EHMT1: variants seen among roughly 807,000 people sequenced by gnomAD.
EHMT1 encodes histone-lysine N-methyltransferase EHMT1.
EHMT1 carries 15 observed loss-of-function variants against 147.2 expected under a neutral mutation model. That is an observed-to-expected ratio of 0.10 (90% CI 0.07 to 0.16). The LOEUF (loss-of-function observed/expected upper bound fraction) is 0.16. Ranked by LOEUF, EHMT1 falls within the 10% of genes least tolerant of loss-of-function variation. The probability of loss-of-function intolerance (pLI) is 1.00; values close to 1 mark genes in which losing one functional copy is unlikely to be tolerated. For missense variants in EHMT1, 1,587 were observed against 1,772.4 expected, an observed-to-expected ratio of 0.90 and a Z score of 1.88; for synonymous variants, 795 against 709.6, an observed-to-expected ratio of 1.12 and a Z score of -1.91.
In EHMT1 at chr9:137,640,118, A is replaced by G. The variant is rs545987853; in HGVS notation, c.21+21069A>G. On this transcript the variant is annotated intron_variant, in intron 1 of 26. Transcript: ENST00000460843. ...CCCGGCTAAGTTTTATATTTTTAGT[A>G]GAGATGGGGTTTCGCTGTGTTGGCC... Among the ~76,000 whole-genome samples the G allele has an allele frequency of 3.9e-5, 6 of 152,218 alleles. No individual in the cohort carries two copies. The South Asian group carries it at 1.2e-3, about 32-fold the overall frequency.
chr9:137,658,763 C>T (rs1033868261), intron 1 of EHMT1, among the ~76,000 whole-genome samples: 1 of 151,994 alleles, frequency 6.6e-6, no homozygotes, highest in Non-Finnish European at 1.5e-5. Context: ...CAGGTGCATA[C>T]CACCATACCT....
chr9:137,744,728 C>T (rs531974385), intron 6 of EHMT1, among the ~76,000 whole-genome samples: 15 of 152,360 alleles, frequency 9.8e-5, no homozygotes, highest in Admixed American at 3.3e-4. Context: ...GCGTGGCCTG[C>T]CACCTTGCAC....
At position 137,728,514 on chromosome 9, in the gene EHMT1, A is replaced by G. The variant is rs760466657; in HGVS notation, c.808A>G (p.Thr270Ala). ...LPQNQCYMATTKSQTACLPFV... is the reference protein window; with the variant it reads ...LPQNQCYMATAKSQTACLPFV... Reference sequence around the variant, plus strand: ...TCAGAACCAGTGCTACATGGCCACCACAAAATCACAGACAGGTAAAGAGGA... The same window carrying G: ...TCAGAACCAGTGCTACATGGCCACCGCAAAATCACAGACAGGTAAAGAGGA... Residue 270 changes from threonine (T) to alanine (A), a missense_variant, in exon 4 of 27, where the codon ACA (threonine) becomes GCA (alanine). By Grantham distance (58) the Thr-to-Ala change is moderately conservative. Coordinates refer to ENST00000460843, the MANE Select transcript of EHMT1 (RefSeq NM_024757.5). 7 of 1,614,024 alleles carry G rather than the reference A, an allele frequency of 4.3e-6. No homozygotes were observed. Among genetic ancestry groups the G allele is most frequent in the Non-Finnish European group, 5.9e-6 (7 of 1,180,030 alleles).
At chr9:137,756,724 A>G (rs948362093) in intron 8 of EHMT1, among the ~76,000 whole-genome samples, 7 of 152,256 alleles carry the variant, frequency 4.6e-5, no homozygotes, top group Non-Finnish European at 7.3e-5. Context: ...CATCTTTGTC[A>G]TCTTGGCTGT....
At chr9:137,669,732 T>TA (rs201560123) in intron 1 of EHMT1, among the ~76,000 whole-genome samples, 26 of 151,538 alleles carry the variant, frequency 1.7e-4, no homozygotes, top group South Asian at 1.3e-3. Flanking sequence ...TCTCTTTTTT[T>TA]AAAAAAAAAT....
chr9:137,659,509 A>T (rs566520913), intron 1 of EHMT1, among the ~76,000 whole-genome samples: 24 of 151,662 alleles, frequency 1.6e-4, no homozygotes, highest in Admixed American at 1.5e-3. Flanking sequence ...CCTTTCAAGT[A>T]GCTGGGAATG....
intron 1 of EHMT1, among the ~76,000 whole-genome samples, chr9:137,690,637 T>A (rs1325526006): frequency 6.6e-6 from 1 of 152,164 alleles, no homozygotes; most frequent in African/African-American, 2.4e-5. Context: ...TGGCGCGATC[T>A]CGGCTCACTG....
At chr9:137,805,615 T>C (rs1222520798) in intron 18 of EHMT1, among the ~76,000 whole-genome samples, 1 of 152,248 alleles carries the variant, frequency 6.6e-6, no homozygotes, top group Non-Finnish European at 1.5e-5. Flanking sequence ...ATATATATGT[T>C]CTGAACACCA....
intron 16 of EHMT1, among the ~76,000 whole-genome samples, chr9:137,796,443 G>A (rs879775993): frequency 3.3e-5 from 5 of 152,096 alleles, no homozygotes; most frequent in Non-Finnish European, 5.9e-5. Flanking sequence ...AGTGGCTCAC[G>A]CCTGTAATCC....
chr9:137,627,822 C>G (rs1344586533), intron 1 of EHMT1, among the ~76,000 whole-genome samples: 2 of 145,724 alleles, frequency 1.4e-5, no homozygotes, highest in African/African-American at 4.9e-5. Context: ...TGCCTCATTA[C>G]CCCCCCACCC....
At chr9:137,676,718 G>A (rs1327495235) in intron 1 of EHMT1, among the ~76,000 whole-genome samples, 1 of 152,166 alleles carries the variant, frequency 6.6e-6, no homozygotes, top group African/African-American at 2.4e-5. Flanking sequence ...GAAGTGGGTG[G>A]AGCCACAGGG....
At chr9:137,725,437 A>T (rs1323002842) in intron 3 of EHMT1, among the ~76,000 whole-genome samples, 1 of 152,186 alleles carries the variant, frequency 6.6e-6, no homozygotes, top group Non-Finnish European at 1.5e-5. Context: ...TCGGGGAAAA[A>T]GTAAGGGCAT....
intron 25 of EHMT1, chr9:137,823,405 C>T (rs965536048): frequency 1.5e-4 from 52 of 348,054 alleles, no homozygotes; most frequent in Non-Finnish European, 2.2e-4. Flanking sequence ...ACCCGGCCAA[C>T]GCCTGGGTAA....
intron 6 of EHMT1, among the ~76,000 whole-genome samples, chr9:137,751,243 A>G (rs1392197890): frequency 6.6e-6 from 1 of 152,220 alleles, no homozygotes; most frequent in African/African-American, 2.4e-5. Context: ...GGAAGCCATG[A>G]AGGAAAAGAT....
chr9:137,794,818 C>A (rs891395185), intron 16 of EHMT1, among the ~76,000 whole-genome samples: 1 of 152,058 alleles, frequency 6.6e-6, no homozygotes. Context: ...AGTAAACGTA[C>A]CCTTCAGCGA....
intron 1 of EHMT1, among the ~76,000 whole-genome samples, chr9:137,644,681 T>G (rs1193916341): frequency 6.6e-6 from 1 of 152,172 alleles, no homozygotes. Context: ...AAAATCATGC[T>G]TAGCTTTCAG....
chr9:137,803,169 T>C (rs1419804393), intron 18 of EHMT1: 1 of 1,219,784 alleles, frequency 8.2e-7, no homozygotes, highest in Non-Finnish European at 1.0e-6. Context: ...AATGGAAGCA[T>C]TGATTAAATT....
intron 1 of EHMT1, among the ~76,000 whole-genome samples, chr9:137,681,777 G>A (rs1271178034): frequency 6.6e-6 from 1 of 152,078 alleles, no homozygotes; most frequent in African/African-American, 2.4e-5. Context: ...ATTTTGACCA[G>A]ATCTGACTTT....
rs200076276 is a variant in EHMT1 at position 137,744,025 on chromosome 9, G to C, written c.1105G>C (p.Ala369Pro). 3.1e-6 allele frequency: 5 copies of C among 1,614,122 alleles called. No individual in the cohort carries two copies. The highest frequency in any genetic ancestry group is 1.1e-5 in the South Asian group (1 of 91,084). The part of the protein sequence containing the change: ...DDGHGAEQAA[A>P]FPTEDSRTSK... ...CGGCCATGGTGCAGAGCAGGCGGCC[G>C]CGTTCCCCACAGAGGACAGCAGGAC... Residue 369 changes from alanine (A) to proline (P), a missense_variant, in exon 6 of 27, where the codon GCG becomes CCG. Physicochemically the swap from Ala to Pro is conservative, Grantham distance 27. Coordinates refer to ENST00000460843, the MANE Select transcript of EHMT1 (RefSeq NM_024757.5).
Sources: gnomAD v4.1 joint callset for allele counts (sites outside exome capture counted in the v4.1 genomes callset) on GRCh38, gnomAD v4.1.1 for gene constraint, MANE v1.5 for transcripts, NCBI Gene and HGNC (gene_info 2026-07-23, HGNC 2026-07-21) for gene names.